The following SPAG16 variants were observed in gnomAD, a reference collection of about 807,000 sequenced individuals.
The protein encoded by SPAG16 is sperm associated antigen 16, also known as sperm-associated antigen 16 protein.
SPAG16 carries 86 observed loss-of-function variants against 80.4 expected under a neutral mutation model. The observed-to-expected ratio is 1.07, with a 90% CI of 0.90 to 1.28. The LOEUF (loss-of-function observed/expected upper bound fraction) is 1.28. Ranked by LOEUF, SPAG16 falls within the 50% of genes most tolerant of loss-of-function variation. SPAG16 has a pLI of 0.00. For synonymous variants in SPAG16, 294 were observed against 265.9 expected (o/e 1.11, Z -1.03); for missense variants, 870 against 765.3 (o/e 1.14, Z -1.61).
In SPAG16 at chr2:213,425,315, G is replaced by A. The variant is rs116582571; in HGVS notation, c.942+50196G>A. Among the ~76,000 whole-genome samples the A allele has an allele frequency of 8.8e-3, 1,325 of 151,132 alleles. 16 individuals carry two copies. Among genetic ancestry groups the A allele is most frequent in the African/African-American group, 0.03 (1,235 of 41,086 alleles). ...AATCTGGGTGAGAGAGTGAGACTCC[G>A]TCTCCAAAAAAAGAATGTGTGGCAA... On this transcript the variant is annotated intron_variant, in intron 9 of 15. Transcript: ENST00000331683.
At chr2:213,459,972 C>G (rs2072265664) in intron 9 of SPAG16, among the ~76,000 whole-genome samples, 1 of 151,474 alleles carries the variant, frequency 6.6e-6, no homozygotes, top group African/African-American at 2.4e-5. Context: ...TAATTTCAAA[C>G]AGTATATTAT....
At chr2:213,952,805 T>C (rs571123731) in intron 12 of SPAG16, among the ~76,000 whole-genome samples, 1 of 152,174 alleles carries the variant, frequency 6.6e-6, no homozygotes, top group South Asian at 2.1e-4. Flanking sequence ...ATAGCTGAAA[T>C]ATGGGTGTCA....
intron 10 of SPAG16, among the ~76,000 whole-genome samples, chr2:213,860,431 A>ATC (rs2075384249): frequency 8.3e-6 from 1 of 121,000 alleles, no homozygotes; most frequent in Non-Finnish European, 1.8e-5. Context: ...GTGTATATCT[A>ATC]TATATTTATA....
chr2:214,092,924 C>T (rs1173032860), intron 13 of SPAG16, among the ~76,000 whole-genome samples: 3 of 152,074 alleles, frequency 2.0e-5, no homozygotes, highest in Non-Finnish European at 4.4e-5. Context: ...CCCAGCAGCT[C>T]TTTTTATGGC....
At chr2:214,220,423 G>A (rs899645470) in intron 15 of SPAG16, among the ~76,000 whole-genome samples, 10 of 152,138 alleles carry the variant, frequency 6.6e-5, no homozygotes, top group Admixed American at 5.2e-4. Flanking sequence ...CTTAATGTTT[G>A]GCTAATTTTA....
chr2:214,103,103 G>A (rs111790502), intron 13 of SPAG16, among the ~76,000 whole-genome samples: 52 of 152,200 alleles, frequency 3.4e-4, no homozygotes, highest in African/African-American at 1.1e-3. Flanking sequence ...CCAGTGGCAT[G>A]TGCCCCCCAG....
intron 10 of SPAG16, among the ~76,000 whole-genome samples, chr2:213,718,980 T>C (rs757722494): frequency 1.2e-4 from 18 of 152,166 alleles, no homozygotes; most frequent in Non-Finnish European, 1.3e-4. Flanking sequence ...CGTGGAGTCT[T>C]TATATCTAGT....
At chr2:214,354,310 G>C (rs1559236861) in intron 15 of SPAG16, among the ~76,000 whole-genome samples, 1 of 152,006 alleles carries the variant, frequency 6.6e-6, no homozygotes. Flanking sequence ...GATAGTTGTA[G>C]GTATGCAGCA....
chr2:213,456,007 C>T (rs1168117942), intron 9 of SPAG16, among the ~76,000 whole-genome samples: 1 of 152,164 alleles, frequency 6.6e-6, no homozygotes, highest in Non-Finnish European at 1.5e-5. Flanking sequence ...TTGTCCATTC[C>T]CCAACTGCTA....
chr2:214,240,035 T>C (rs1435821568), intron 15 of SPAG16: 1 of 152,180 alleles, frequency 6.6e-6, no homozygotes, highest in Non-Finnish European at 1.5e-5. Flanking sequence ...TGTGCCTATG[T>C]GAGGTGGTCA....
intron 3 of SPAG16, among the ~76,000 whole-genome samples, chr2:213,308,430 T>G (rs1263894560): frequency 6.6e-6 from 1 of 152,138 alleles, no homozygotes; most frequent in East Asian, 1.9e-4. Context: ...TTTTGGATTT[T>G]TTTTCAGATG....
At chr2:214,337,671 G>A (rs1217248234) in intron 15 of SPAG16, among the ~76,000 whole-genome samples, 3 of 152,088 alleles carry the variant, frequency 2.0e-5, no homozygotes, top group Non-Finnish European at 4.4e-5. Context: ...TCCAATGCTG[G>A]TTCACATTTG....
intron 10 of SPAG16, among the ~76,000 whole-genome samples, chr2:213,850,849 A>G (rs2074866277): frequency 6.6e-6 from 1 of 152,098 alleles, no homozygotes. Context: ...TTTGAGTTGA[A>G]TGTTATAAAA....
intron 9 of SPAG16, among the ~76,000 whole-genome samples, chr2:213,455,774 C>G (rs1402857188): frequency 6.6e-6 from 1 of 152,156 alleles, no homozygotes; most frequent in Non-Finnish European, 1.5e-5. Flanking sequence ...TGGTAATGCT[C>G]CCCTGCCCAT....
rs182537670 is a variant in SPAG16 at position 213,292,372 on chromosome 2, A to T, written c.137-3692A>T. 5.7e-3 allele frequency among the ~76,000 whole-genome samples: 873 copies of T among 152,266 alleles called. 4 individuals carry two copies. The highest frequency in any genetic ancestry group is 9.9e-3 in the Non-Finnish European group (671 of 68,012). Reference sequence around the variant, plus strand: ...TTCGGAAATTTTATCTCATTATATAAAACTATCAGAGGCCGGGTGCGGTGG... The same window carrying T: ...TTCGGAAATTTTATCTCATTATATATAACTATCAGAGGCCGGGTGCGGTGG... On this transcript the variant is annotated intron_variant, in intron 1 of 15. Transcript: ENST00000331683.
At chr2:213,912,670 G>T (rs988651147) in intron 11 of SPAG16, among the ~76,000 whole-genome samples, 3 of 150,976 alleles carry the variant, frequency 2.0e-5, no homozygotes, top group African/African-American at 7.3e-5. Context: ...TTTCCTCAAT[G>T]TTAAAAATAG....
chr2:213,302,359 A>G (rs556155826), intron 3 of SPAG16, among the ~76,000 whole-genome samples: 2 of 152,302 alleles, frequency 1.3e-5, no homozygotes, highest in African/African-American at 4.8e-5. Context: ...AAGTATACAT[A>G]ATGGTTGCAT....
chr2:213,698,985 T>C (rs1661056928), intron 10 of SPAG16, among the ~76,000 whole-genome samples: 1 of 152,198 alleles, frequency 6.6e-6, no homozygotes, highest in South Asian at 2.1e-4. Flanking sequence ...GGGCAAATAT[T>C]AGTATCGCTA....
intron 10 of SPAG16, among the ~76,000 whole-genome samples, chr2:213,756,321 AT>A (rs962248827): frequency 1.3e-5 from 2 of 152,136 alleles, no homozygotes; most frequent in African/African-American, 4.8e-5. Context: ...TCTCAAAAAA[AT>A]AAATAAATAA....
Sources: gnomAD v4.1 joint callset for allele counts (sites outside exome capture counted in the v4.1 genomes callset) on GRCh38, gnomAD v4.1.1 for gene constraint, MANE v1.5 for transcripts, NCBI Gene and HGNC (gene_info 2026-07-23, HGNC 2026-07-21) for gene names.